Variants in FHL1 observed in about 807,000 individuals in gnomAD.
FHL1 encodes the protein four and a half LIM domains 1.
Under a neutral mutation model 20.3 loss-of-function variants are expected in FHL1, and 1 was observed. That is an observed-to-expected ratio of 0.05 (90% CI 0.02 to 0.23). The LOEUF (loss-of-function observed/expected upper bound fraction) is 0.23, where lower values mean the gene tolerates loss of function less well. Ranked by LOEUF, FHL1 falls within the 10% of genes least tolerant of loss-of-function variation. The probability of loss-of-function intolerance (pLI) is 1.00; values close to 1 mark genes in which losing one functional copy is unlikely to be tolerated. For synonymous variants in FHL1, 82 were observed against 88.9 expected (o/e 0.92, Z 0.44); for missense variants, 177 against 234.0 (o/e 0.76, Z 1.59).
chrX:136,200,839 T>G (rs757816490), intron 1 of FHL1, among the ~76,000 whole-genome samples: 3 of 111,741 alleles, frequency 2.7e-5, no homozygotes, highest in South Asian at 7.5e-4. Flanking sequence ...AAGGCAACTT[T>G]TAGAGCAGGA....
intron 1 of FHL1, among the ~76,000 whole-genome samples, chrX:136,201,834 G>A (rs1224947722): frequency 1.8e-5 from 2 of 110,340 alleles, no homozygotes; most frequent in African/African-American, 6.6e-5. Flanking sequence ...AAAGACAAGT[G>A]GTAAGGGAAG....
chrX:136,166,845 A>G (rs2072724156), upstream of FHL1, among the ~76,000 whole-genome samples: 1 of 112,712 alleles, frequency 8.9e-6, no homozygotes, highest in South Asian at 3.7e-4. Flanking sequence ...TAATAATAGT[A>G]GTAAGTATGT....
chrX:136,163,103 G>T (rs1030602416), intron 1 of FHL1, among the ~76,000 whole-genome samples: 3 of 112,039 alleles, frequency 2.7e-5, no homozygotes, highest in Non-Finnish European at 5.6e-5. Context: ...GAGCTCTCCC[G>T]GTTTAATCAC....
At chrX:136,183,134 A>AC (rs1556635250) in intron 2 of FHL1, among the ~76,000 whole-genome samples, 1 of 110,254 alleles carries the variant, frequency 9.1e-6, no homozygotes, top group Non-Finnish European at 1.9e-5. Context: ...CAAAAAAAAA[A>AC]CAGAAAATAT....
chrX:136,169,522 A>G (rs772464276), upstream of FHL1: 14 of 230,048 alleles, frequency 6.1e-5, no homozygotes, highest in Admixed American at 1.9e-4. Context: ...GAGAGAGAGA[A>G]AAAAAAAGGC....
At chrX:136,196,795 G>A, upstream of FHL1, 4 of 1,165,380 alleles carry the variant, frequency 3.4e-6, no homozygotes, top group Non-Finnish European at 4.6e-6. Context: ...TTTTATTCCG[G>A]TACAGGGATG....
rs1329096801 is a variant in FHL1, at chrX:136,211,068, G to A, written c.*1043G>A. 2.7e-6 allele frequency: 1 copy of A among 376,288 alleles called. No homozygotes were observed. Among genetic ancestry groups the A allele is most frequent in the Non-Finnish European group, 5.0e-6 (1 of 198,587 alleles). 31.0% of individuals were successfully genotyped at this position (376,288 alleles called of 1,213,427 possible). A position where few individuals can be genotyped will look rare whatever the true frequency, so the allele number is the denominator to read the frequency against. ...CTTTGTCCATGTGTTAATGAGGACT[G>A]CAAAGTCCCTTCTGTTGTGATTCCT... On this transcript the variant is annotated 3_prime_UTR_variant, in exon 6 of 6. Coordinates refer to ENST00000370683, the MANE Select transcript of FHL1 (RefSeq NM_001159699.2).
At chrX:136,178,291 A>G (rs2073057080) in intron 2 of FHL1, among the ~76,000 whole-genome samples, 1 of 112,242 alleles carries the variant, frequency 8.9e-6, no homozygotes, top group African/African-American at 3.2e-5. Context: ...TGTAGGGATC[A>G]ATTTAAAATA....
At chrX:136,189,916 A>G (rs2073393856) in intron 2 of FHL1, among the ~76,000 whole-genome samples, 1 of 112,330 alleles carries the variant, frequency 8.9e-6, no homozygotes, top group Admixed American at 9.4e-5. Context: ...CCAATCTCAT[A>G]TAAAGTTAAG....
At chrX:136,200,393 A>G (rs1048001613) in intron 1 of FHL1, among the ~76,000 whole-genome samples, 1 of 112,056 alleles carries the variant, frequency 8.9e-6, no homozygotes, top group African/African-American at 3.2e-5. Flanking sequence ...AGTATGTCAT[A>G]TTGCATTAGG....
intron 1 of FHL1, among the ~76,000 whole-genome samples, chrX:136,162,337 C>T (rs1454980335): frequency 1.8e-5 from 2 of 110,535 alleles, no homozygotes; most frequent in African/African-American, 6.6e-5. Context: ...CTCTGGGTCT[C>T]AGTTTATAAA....
chrX:136,207,194 C>T lies in FHL1; in HGVS notation c.379+4C>T, dbSNP rs769453769. 9 of 1,194,282 alleles carry T rather than the reference C, an allele frequency of 7.5e-6. No homozygotes were observed. Among genetic ancestry groups the T allele is most frequent in the Non-Finnish European group, 9.0e-6 (8 of 884,497 alleles). On this transcript the variant is annotated splice_donor_region_variant and intron_variant, in intron 3 of 5. Transcript: ENST00000370683. Reference sequence around the variant, plus strand: ...TGCTTCAAGGCCATTGTGGCAGGTACTGCCTCCTTCCCACCCCGGGTTCCC... The same window carrying T: ...TGCTTCAAGGCCATTGTGGCAGGTATTGCCTCCTTCCCACCCCGGGTTCCC...
chrX:136,206,686 G>A (rs1196260304), intron 2 of FHL1, 98 bp downstream of exon 2: 4 of 1,070,798 alleles, frequency 3.7e-6, no homozygotes, highest in African/African-American at 1.8e-5. Context: ...GGATTTCCCA[G>A]CATCACTGCA....
chrX:136,169,538 TAATA>T, upstream of FHL1: 2 of 232,771 alleles, frequency 8.6e-6, no homozygotes, highest in Non-Finnish European at 1.6e-5. Flanking sequence ...AAGGCTCAAC[TAATA>T]AATCTATTCT....
exon 1 of FHL1, chrX:136,169,675 T>C: frequency 3.4e-6 from 1 of 297,681 alleles, no homozygotes; most frequent in Non-Finnish European, 6.4e-6. Context: ...GGCTTGATAA[T>C]GAGGGAGCCA....
chrX:136,163,987 G>C (rs755009593), intron 1 of FHL1, among the ~76,000 whole-genome samples: 26 of 111,377 alleles, frequency 2.3e-4, no homozygotes, highest in Non-Finnish European at 4.7e-4. Context: ...GTTTTATTTG[G>C]GAGCTGCTGT....
chrX:136,166,286 G>T (rs1334485720), upstream of FHL1, among the ~76,000 whole-genome samples: 1 of 112,215 alleles, frequency 8.9e-6, no homozygotes, highest in East Asian at 2.8e-4. Context: ...ATTCTGGGTG[G>T]TGAAACCATG....
intron 1 of FHL1, among the ~76,000 whole-genome samples, chrX:136,197,751 T>G (rs1046164503): frequency 5.3e-5 from 6 of 112,396 alleles, no homozygotes; most frequent in Non-Finnish European, 1.1e-4. Context: ...ACCTTACAAT[T>G]AAGGAAGCCC....
chrX:136,181,993 A>G lies in FHL1; in HGVS notation c.-27+12013A>G, dbSNP rs146703003. 8.5e-3 allele frequency among the ~76,000 whole-genome samples: 960 copies of G among 112,497 alleles called. 8 individuals carry two copies. Among genetic ancestry groups the G allele is most frequent in the African/African-American group, 0.029 (892 of 30,953 alleles). On this transcript the variant is annotated intron_variant, in intron 2 of 6. Transcript: ENST00000394153. ...AGTACACAAATGTGACTAAATTGCT[A>G]TAGAATGCTGTTAAAGAAGGTATAA...
Sources: gnomAD v4.1 joint callset for allele counts (sites outside exome capture counted in the v4.1 genomes callset) on GRCh38, gnomAD v4.1.1 for gene constraint, MANE v1.5 for transcripts, NCBI Gene and HGNC (gene_info 2026-07-23, HGNC 2026-07-21) for gene names.